The following MARCHF1 variants were observed in gnomAD, a reference collection of about 807,000 sequenced individuals.
MARCHF1 encodes E3 ubiquitin-protein ligase MARCHF1.
Under a neutral mutation model 54.2 loss-of-function variants are expected in MARCHF1, and 40 were observed. The observed-to-expected ratio is 0.74, with a 90% CI of 0.57 to 0.96. The LOEUF is 0.96. Ranked by LOEUF, MARCHF1 falls within the 40% of genes least tolerant of loss-of-function variation. The pLI is 0.00. For missense variants in MARCHF1, 586 were observed against 656.5 expected (o/e 0.89, Z 1.17); for synonymous variants, 236 against 236.3 (o/e 1.00, Z 0.01).
At chr4:163,555,741 C>G (rs1187115464) in intron 8 of MARCHF1, 2 of 291,742 alleles carry the variant, frequency 6.9e-6, no homozygotes, top group South Asian at 2.9e-5. Context: ...GGCATAGTCT[C>G]TCTTCCCCAG....
At chr4:163,715,391 G>A (rs145553694) in intron 4 of MARCHF1, among the ~76,000 whole-genome samples, 1,616 of 152,172 alleles carry the variant, frequency 0.011, 26 homozygotes, top group African/African-American at 0.037. Context: ...GACTACAGGC[G>A]CCCGCCACCA....
Position 163,872,771 on chromosome 4 carries a change from G to A in MARCHF1, c.-38-18602C>T, listed in dbSNP as rs567430377. Among the ~76,000 whole-genome samples, 31 of 152,226 alleles carry A rather than the reference G, an allele frequency of 2.0e-4. No homozygotes were observed. The South Asian group carries it at 5.8e-3, about 29-fold the overall frequency. ...ATAAAAATGATGAAGTCGGCCGGGC[G>A]CGGTGGCTCACGCCTGTAATCCCAG... On this transcript the variant is annotated intron_variant, in intron 3 of 9. Transcript: ENST00000514618.
intron 3 of MARCHF1, among the ~76,000 whole-genome samples, chr4:163,863,658 G>A (rs564934163): frequency 2.4e-4 from 37 of 152,034 alleles, no homozygotes; most frequent in Middle Eastern, 3.4e-3. Flanking sequence ...GACGGGTCCC[G>A]GAAACAATGA....
rs964156948 is a variant in MARCHF1 at position 163,848,759 on chromosome 4, A to T, written c.111+5262T>A. Among the ~76,000 whole-genome samples, 17 of 152,298 alleles carry T rather than the reference A, an allele frequency of 1.1e-4. No homozygotes were observed. In the East Asian group the frequency reaches 2.9e-3, roughly 26 times the overall value. Reference sequence around the variant, plus strand: ...TGAGGATATGTGCTTAATAAGCATAATCTTCCAAACCCCTCAAGGTTATTA... The same window carrying T: ...TGAGGATATGTGCTTAATAAGCATATTCTTCCAAACCCCTCAAGGTTATTA... On this transcript the variant is annotated intron_variant, in intron 4 of 9. Transcript: ENST00000514618.
intron 6 of MARCHF1, 26 bp downstream of exon 6, chr4:163,613,288 A>G (rs1220196902): frequency 6.3e-7 from 1 of 1,584,864 alleles, no homozygotes; most frequent in African/African-American, 1.4e-5. Flanking sequence ...AAGAATATAG[A>G]TTAAGATAAT....
intron 2 of MARCHF1, among the ~76,000 whole-genome samples, chr4:163,991,470 G>A (rs530162734): frequency 1.3e-5 from 2 of 152,184 alleles, no homozygotes; most frequent in South Asian, 4.1e-4. Flanking sequence ...ACAATCAGAA[G>A]TCTCTGGGGT....
At chr4:164,149,848 ATTT>A (rs1189429734) in intron 1 of MARCHF1, among the ~76,000 whole-genome samples, 3 of 152,120 alleles carry the variant, frequency 2.0e-5, no homozygotes, top group Non-Finnish European at 4.4e-5. Context: ...TTTATGTTGA[ATTT>A]TCAAACTTCT....
At chr4:164,008,247 C>T (rs933007568) in intron 2 of MARCHF1, among the ~76,000 whole-genome samples, 1 of 151,990 alleles carries the variant, frequency 6.6e-6, no homozygotes, top group African/African-American at 2.4e-5. Flanking sequence ...AAGTTCATTA[C>T]ATAATCATAA....
intron 3 of MARCHF1, among the ~76,000 whole-genome samples, chr4:163,914,362 G>A (rs746962114): frequency 1.3e-5 from 2 of 151,908 alleles, no homozygotes; most frequent in Non-Finnish European, 2.9e-5. Context: ...TGAAATTGTC[G>A]AGCTTCATTT....
intron 3 of MARCHF1, among the ~76,000 whole-genome samples, chr4:163,865,920 C>T (rs189054679): frequency 3.3e-5 from 5 of 151,694 alleles, no homozygotes; most frequent in Non-Finnish European, 7.4e-5. Context: ...CCTTCTGTCT[C>T]TGCCCTTATT....
chr4:163,642,722 A>G (rs1475071373), intron 5 of MARCHF1, among the ~76,000 whole-genome samples: 1 of 152,176 alleles, frequency 6.6e-6, no homozygotes, highest in African/African-American at 2.4e-5. Flanking sequence ...TTTTCTAAAC[A>G]TGTTTTGGAG....
chr4:164,069,905 A>G lies in MARCHF1; in HGVS notation c.-248+41683T>C, dbSNP rs555625309. Among the ~76,000 whole-genome samples the G allele has an allele frequency of 4.2e-4, 64 of 152,358 alleles. 3 individuals carry two copies. Among genetic ancestry groups the G allele is most frequent in the South Asian group, 2.7e-3 (13 of 4,832 alleles). On this transcript the variant is annotated intron_variant, in intron 2 of 9. Transcript: ENST00000514618. ...GGTATATTGGATTGAAAAATGTGGTACATATATACCATGGAATACTATGCT... is the reference window on the plus strand; with the variant it reads ...GGTATATTGGATTGAAAAATGTGGTGCATATATACCATGGAATACTATGCT...
intron 2 of MARCHF1, among the ~76,000 whole-genome samples, chr4:164,072,325 C>T (rs576034230): frequency 9.7e-4 from 147 of 152,280 alleles, no homozygotes; most frequent in African/African-American, 3.4e-3. Flanking sequence ...ATGGCTCATG[C>T]CTGTAATGCT....
At chr4:164,109,489 A>C (rs1369819236) in intron 2 of MARCHF1, among the ~76,000 whole-genome samples, 1 of 151,970 alleles carries the variant, frequency 6.6e-6, no homozygotes, top group Non-Finnish European at 1.5e-5. Flanking sequence ...AAGAAGAATA[A>C]TTATCTCACT....
chr4:163,947,808 T>C (rs185172000), intron 3 of MARCHF1, among the ~76,000 whole-genome samples: 262 of 152,354 alleles, frequency 1.7e-3, no homozygotes, highest in African/African-American at 6.0e-3. Context: ...TCCTCTTGTG[T>C]ATGATCTGAG....
chr4:163,535,830 C>A (rs868517766), intron 9 of MARCHF1, among the ~76,000 whole-genome samples: 5 of 150,976 alleles, frequency 3.3e-5, no homozygotes, highest in Middle Eastern at 6.8e-3. Flanking sequence ...AACACTGACT[C>A]AGTGTAGACC....
intron 1 of MARCHF1, among the ~76,000 whole-genome samples, chr4:164,292,801 T>A (rs1029480991): frequency 1.3e-5 from 2 of 152,214 alleles, no homozygotes; most frequent in African/African-American, 4.8e-5. Context: ...TTTTAATATA[T>A]GTTGTTAAAT....
At chr4:163,760,042 G>A (rs1746786445) in intron 4 of MARCHF1, among the ~76,000 whole-genome samples, 1 of 152,206 alleles carries the variant, frequency 6.6e-6, no homozygotes, top group African/African-American at 2.4e-5. Context: ...TCTGAAATGT[G>A]TCTCACTGGC....
At chr4:164,337,828 G>A (rs928027695) in intron 1 of MARCHF1, among the ~76,000 whole-genome samples, 2 of 151,696 alleles carry the variant, frequency 1.3e-5, no homozygotes, top group Non-Finnish European at 2.9e-5. Flanking sequence ...ATCACCCTGG[G>A]GGAAAAAAAA....
Sources: gnomAD v4.1 joint callset for allele counts (sites outside exome capture counted in the v4.1 genomes callset) on GRCh38, gnomAD v4.1.1 for gene constraint, MANE v1.5 for transcripts, NCBI Gene and HGNC (gene_info 2026-07-23, HGNC 2026-07-21) for gene names.